RAD51D: variants seen among roughly 807,000 people sequenced by gnomAD.
The protein encoded by RAD51D is DNA repair protein RAD51 homolog 4.
In RAD51D, 38 loss-of-function variants were observed where a neutral mutation model predicts 44.1. That is an observed-to-expected ratio of 0.86 (90% CI 0.67 to 1.13). The LOEUF is 1.13. RAD51D is among the 50% of genes most tolerant of loss of function. The pLI, the probability that RAD51D is intolerant of heterozygous loss-of-function variation, is 0.00. For missense variants in RAD51D, 390 were observed against 414.0 expected (o/e 0.94, Z 0.50); for synonymous variants, 141 against 166.6 (o/e 0.85, Z 1.18).
At chr17:35,108,071 C>T (rs56955467) in intron 3 of RAD51D, among the ~76,000 whole-genome samples, 68,528 of 151,076 alleles carry the variant, frequency 0.45, 15,679 homozygotes, top group Admixed American at 0.55. Context: ...TCCTTGATAG[C>T]GTTTCCCAAA....
chr17:35,106,766 C>T (rs190324410), intron 5 of RAD51D, among the ~76,000 whole-genome samples: 2 of 152,228 alleles, frequency 1.3e-5, no homozygotes, highest in East Asian at 3.9e-4. Flanking sequence ...TGGTTTAGGG[C>T]ATGCAAAGAG....
rs2142410666 is a variant in RAD51D, at chr17:35,101,185, C to G, written c.903+16G>C. 5 of 1,614,136 alleles carry G rather than the reference C, an allele frequency of 3.1e-6. No individual in the cohort carries two copies. Among genetic ancestry groups the G allele is most frequent in the Non-Finnish European group, 3.4e-6 (4 of 1,180,010 alleles). On this transcript the variant is annotated intron_variant, in intron 9 of 9. Transcript: ENST00000345365. ...CAGGGCCCAAGATTACTGGCATCTT[C>G]CTGGGGCTGGCTCACCTGTCGGGAA...
rs2142433096 is a variant in RAD51D, at chr17:35,107,058, G to C, written c.410C>G (p.Ser137Cys). Residue 137 changes from serine to cysteine, a missense_variant, in exon 5 of 10, where the codon TCC (serine) becomes TGC (cysteine). Ser to Cys is a moderately radical substitution (Grantham distance 112, BLOSUM62 -1). Coordinates refer to ENST00000345365, the MANE Select transcript of RAD51D (RefSeq NM_002878.4). ...GLQQNVLYVDSNGGLTASRLL... is the reference protein window; with the variant it reads ...GLQQNVLYVDCNGGLTASRLL... The stretch of plus-strand genomic sequence containing the variant: ...GCGGGAAGCTGTCAGCCCTCCATTG[G>C]AATCTACATATAGGACGTTTTGCTG... 2 of 1,614,106 alleles carry C rather than the reference G, an allele frequency of 1.2e-6. No homozygotes were observed. The highest frequency in any genetic ancestry group is 2.2e-5 in the South Asian group (2 of 91,086).
At position 35,094,754 on chromosome 17, in the gene RAD51D, A is replaced by T. The variant is rs936327038; in HGVS notation, c.*6199T>A. ...GCCACTTATTAGCTTTATGTCCTTAACCTCACTGAGATCCCATTTACTGTC... is the reference window on the plus strand; with the variant it reads ...GCCACTTATTAGCTTTATGTCCTTATCCTCACTGAGATCCCATTTACTGTC... On this transcript the variant is annotated 3_prime_UTR_variant, in exon 10 of 10. Coordinates refer to ENST00000345365, the MANE Select transcript of RAD51D (RefSeq NM_002878.4). 1.3e-5 allele frequency: 2 copies of T among 152,106 alleles called. No homozygotes were observed. The highest frequency in any genetic ancestry group is 4.8e-5 in the African/African-American group (2 of 41,408). 9.4% of individuals were successfully genotyped at this position (152,106 alleles called of 1,614,324 possible). A position where few individuals can be genotyped will look rare whatever the true frequency, so the allele number is the denominator to read the frequency against.
chr17:35,095,267 GAGGTC>G lies in RAD51D; in HGVS notation c.*5681_*5685del, dbSNP rs1380219500. On this transcript the variant is annotated 3_prime_UTR_variant, in exon 10 of 10. Coordinates refer to ENST00000345365, the MANE Select transcript of RAD51D (RefSeq NM_002878.4). ...GGAGGCAGAGGCAGGTGAATCACCT[GAGGTC>G]AGGAGTTTGAGACCAGTCTGGCCAA... is the stretch of plus-strand genomic sequence containing the variant. 1.3e-5 allele frequency: 2 copies of G among 152,180 alleles called. No homozygotes were observed. Among genetic ancestry groups the G allele is most frequent in the African/African-American group, 4.8e-5 (2 of 41,428 alleles). The allele number at this position is 152,180 out of a possible 1,614,324, so 9.4% of individuals were successfully genotyped here.
At chr17:35,118,263 G>T (rs1439594460) in intron 3 of RAD51D, among the ~76,000 whole-genome samples, 1 of 152,064 alleles carries the variant, frequency 6.6e-6, no homozygotes, top group Non-Finnish European at 1.5e-5. Context: ...CACTGCACAG[G>T]ACAGCCTCCA....
chr17:35,097,874 A>G lies in RAD51D; in HGVS notation c.*3079T>C, dbSNP rs1457097275. 6.6e-6 allele frequency: 1 copy of G among 152,384 alleles called. No homozygotes were observed. The highest frequency in any genetic ancestry group is 1.5e-5 in the Non-Finnish European group (1 of 68,050). The allele number at this position is 152,384 out of a possible 1,614,324, so 9.4% of individuals were successfully genotyped here. A position where few individuals can be genotyped will look rare whatever the true frequency, so the allele number is the denominator to read the frequency against. ...AAAAAGGATGTCAGGGTGGGTGTGC[A>G]CCAGACACAGTGGGAGCTGGGCAGA... On this transcript the variant is annotated 3_prime_UTR_variant, in exon 10 of 10. Coordinates refer to ENST00000345365, the MANE Select transcript of RAD51D (RefSeq NM_002878.4).
At chr17:35,109,241 C>A (rs1457095326) in intron 3 of RAD51D, among the ~76,000 whole-genome samples, 1 of 152,156 alleles carries the variant, frequency 6.6e-6, no homozygotes, top group Non-Finnish European at 1.5e-5. Context: ...ATAGTTCATT[C>A]CTTTTTACTG....
rs377263299 is a variant in RAD51D at position 35,107,173 on chromosome 17, G to A, written c.346-51C>T. The A allele has an allele frequency of 3.7e-6, 6 of 1,608,114 alleles. No individual in the cohort carries two copies. In the African/African-American group the frequency reaches 8.0e-5, roughly 22 times the overall value. ...TTGACACTTCAGAGAGGGTCCAGATGGGAGCTCCCCACCAAACCTTGCCCA... is the reference window on the plus strand; with the variant it reads ...TTGACACTTCAGAGAGGGTCCAGATAGGAGCTCCCCACCAAACCTTGCCCA... On this transcript the variant is annotated intron_variant, in intron 4 of 9. Transcript: ENST00000345365.
Position 35,119,738 on chromosome 17 carries a change from G to C in RAD51D, c.-125C>G, listed in dbSNP as rs2091802847. ...GGACACAGGCGCGCTGGCTGCCGGAGGAGAAAGGAGAGAGGAGGAGGCGGC... is the reference window on the plus strand; with the variant it reads ...GGACACAGGCGCGCTGGCTGCCGGACGAGAAAGGAGAGAGGAGGAGGCGGC... On this transcript the variant is annotated 5_prime_UTR_variant, in exon 1 of 10. Coordinates refer to ENST00000345365, the MANE Select transcript of RAD51D (RefSeq NM_002878.4). 1.1e-6 allele frequency: 1 copy of C among 938,130 alleles called. No individual in the cohort carries two copies. The highest frequency in any genetic ancestry group is 1.6e-5 in the African/African-American group (1 of 61,610). The allele number at this position is 938,130 out of a possible 1,614,324, so 58.1% of individuals were successfully genotyped here.
rs1371386222 is a variant in RAD51D at position 35,100,862 on chromosome 17, G to A, written c.*91C>T. 9.3e-7 allele frequency: 1 copy of A among 1,079,748 alleles called. No homozygotes were observed. The highest frequency in any genetic ancestry group is 2.4e-5 in the East Asian group (1 of 42,322). The allele number at this position is 1,079,748 out of a possible 1,614,324, so 66.9% of individuals were successfully genotyped here. A position where few individuals can be genotyped will look rare whatever the true frequency, so the allele number is the denominator to read the frequency against. On this transcript the variant is annotated 3_prime_UTR_variant, in exon 10 of 10. Transcript: ENST00000345365. ...AGCCTGAGAACGTCTGTAGTCACCAGTGCCAGGTGGCAGTAAACAGCAGGC... is the reference window on the plus strand; with the variant it reads ...AGCCTGAGAACGTCTGTAGTCACCAATGCCAGGTGGCAGTAAACAGCAGGC...
rs767796651 is a variant in RAD51D at position 35,119,678 on chromosome 17, T to C, written c.-65A>G. 1 of 1,521,784 alleles carries C rather than the reference T, an allele frequency of 6.6e-7. No individual in the cohort carries two copies. 94.3% of individuals were successfully genotyped at this position (1,521,784 alleles called of 1,614,324 possible). A position where few individuals can be genotyped will look rare whatever the true frequency, so the allele number is the denominator to read the frequency against. On this transcript the variant is annotated 5_prime_UTR_variant, in exon 1 of 10. Coordinates refer to ENST00000345365, the MANE Select transcript of RAD51D (RefSeq NM_002878.4). ...TCACGTGGGCATTCGCGGGGGGTCC[T>C]CTCCAGACGCCCCTCCCCTACCCCT...
rs751115328 is a variant in RAD51D at position 35,103,406 on chromosome 17, G to A, written c.667+48C>T. 11 of 1,608,936 alleles carry A rather than the reference G, an allele frequency of 6.8e-6. No homozygotes were observed. Among genetic ancestry groups the A allele is most frequent in the Non-Finnish European group, 9.4e-6 (11 of 1,175,344 alleles). On this transcript the variant is annotated intron_variant, in intron 7 of 9. Transcript: ENST00000345365. This position sits in a 1 kb window ranked among gnomAD's most constrained non-coding sequence, Gnocchi z 4.1. Reference sequence around the variant, plus strand: ...GCCAGAGACCAGACTCCAGAGCTGGGAGGCGAGGTCACATTCCACTGGCCC... The same window carrying A: ...GCCAGAGACCAGACTCCAGAGCTGGAAGGCGAGGTCACATTCCACTGGCCC...
intron 9 of RAD51D, 78 bp from the exon 10 acceptor site, chr17:35,101,114 T>C (rs1236859997): frequency 1.2e-6 from 2 of 1,608,998 alleles, no homozygotes; most frequent in East Asian, 4.5e-5. Context: ...TTTCAGCCTC[T>C]AAAGAGTTCT....
At position 35,094,755 on chromosome 17, in the gene RAD51D, C is replaced by A. The variant is rs1054847348; in HGVS notation, c.*6198G>T. 3 of 152,218 alleles carry A rather than the reference C, an allele frequency of 2.0e-5. No individual in the cohort carries two copies. The highest frequency in any genetic ancestry group is 6.5e-5 in the Admixed American group (1 of 15,276). The allele number at this position is 152,218 out of a possible 1,614,324, so 9.4% of individuals were successfully genotyped here. A position where few individuals can be genotyped will look rare whatever the true frequency, so the allele number is the denominator to read the frequency against. ...CCACTTATTAGCTTTATGTCCTTAA[C>A]CTCACTGAGATCCCATTTACTGTCT... is the stretch of plus-strand genomic sequence containing the variant. On this transcript the variant is annotated 3_prime_UTR_variant, in exon 10 of 10. Transcript: ENST00000345365.
In RAD51D at chr17:35,118,977, T is replaced by C. The variant is rs560859260; in HGVS notation, c.144+134A>G. On this transcript the variant is annotated intron_variant, in intron 2 of 9. Transcript: ENST00000345365. ...TGGATGGTCTCGAACTCCTGACTTC[T>C]GACTCCAAGTGACCCACCCGCCTCG... The C allele has an allele frequency of 1.0e-3, 808 of 803,006 alleles. 6 individuals carry two copies. The African/African-American group carries it at 0.012, about 12-fold the overall frequency. 49.7% of individuals were successfully genotyped at this position (803,006 alleles called of 1,614,324 possible).
At chr17:35,113,670 A>C (rs2091703796) in intron 3 of RAD51D, 1 of 315,816 alleles carries the variant, frequency 3.2e-6, no homozygotes, top group Non-Finnish European at 6.4e-6. Flanking sequence ...TTCTTGAGAT[A>C]ATTGTGCTCA....
rs1027546848 is a variant in RAD51D at position 35,093,205 on chromosome 17, A to T, written c.*7748T>A. 2.0e-5 allele frequency: 3 copies of T among 152,158 alleles called. No individual in the cohort carries two copies. The highest frequency in any genetic ancestry group is 6.5e-5 in the Admixed American group (1 of 15,274). The allele number at this position is 152,158 out of a possible 1,614,324, so 9.4% of individuals were successfully genotyped here. A position where few individuals can be genotyped will look rare whatever the true frequency, so the allele number is the denominator to read the frequency against. Reference sequence around the variant, plus strand: ...GTTTTACATAAGTTACATGATCCTAAAACAACTCTATGAAACAGATATTAT... The same window carrying T: ...GTTTTACATAAGTTACATGATCCTATAACAACTCTATGAAACAGATATTAT... On this transcript the variant is annotated 3_prime_UTR_variant, in exon 10 of 10. Transcript: ENST00000345365.
chr17:35,092,554 G>C lies in RAD51D; in HGVS notation c.*8399C>G, dbSNP rs1006183904. 2 of 152,180 alleles carry C rather than the reference G, an allele frequency of 1.3e-5. No individual in the cohort carries two copies. The highest frequency in any genetic ancestry group is 4.8e-5 in the African/African-American group (2 of 41,456). The allele number at this position is 152,180 out of a possible 1,614,324, so 9.4% of individuals were successfully genotyped here. ...ACATACACTTTACCAGTAGGACAGAGACATTACCTTGTCCAAGTAACTCGG... is the reference window on the plus strand; with the variant it reads ...ACATACACTTTACCAGTAGGACAGACACATTACCTTGTCCAAGTAACTCGG... On this transcript the variant is annotated 3_prime_UTR_variant, in exon 10 of 10. Transcript: ENST00000345365.
Sources: gnomAD v4.1 joint callset for allele counts (sites outside exome capture counted in the v4.1 genomes callset) on GRCh38, gnomAD v4.1.1 for gene constraint, Gnocchi (gnomAD v3.1) non-coding constraint, MANE v1.5 for transcripts, NCBI Gene and HGNC (gene_info 2026-07-23, HGNC 2026-07-21) for gene names.